The following STK39 variants were observed in gnomAD, a reference collection of about 807,000 sequenced individuals.
The protein encoded by STK39 is STE20/SPS1-related proline-alanine-rich protein kinase.
In STK39, 20 loss-of-function variants were observed where a neutral mutation model predicts 77.8. The ratio of observed to expected loss-of-function variants is 0.26; its 90% CI spans 0.18 to 0.37. STK39 has a LOEUF of 0.37. Ranked by LOEUF, STK39 falls within the 10% of genes least tolerant of loss-of-function variation. The pLI, the probability that STK39 is intolerant of heterozygous loss-of-function variation, is 1.00. For synonymous variants in STK39, 246 were observed against 234.1 expected (o/e 1.05, Z -0.47); for missense variants, 479 against 656.5 (o/e 0.73, Z 2.95).
chr2:168,123,725 C>T (rs1574483972), intron 10 of STK39, among the ~76,000 whole-genome samples: 2 of 151,798 alleles, frequency 1.3e-5, no homozygotes, highest in South Asian at 2.1e-4. Flanking sequence ...AAAAATTAGC[C>T]GGGCATGGTG....
At chr2:168,172,927 G>A (rs1244061860) in intron 2 of STK39, among the ~76,000 whole-genome samples, 3 of 152,100 alleles carry the variant, frequency 2.0e-5, no homozygotes, top group African/African-American at 4.8e-5. Context: ...AATCACCTGG[G>A]GAGCTTTGAC....
chr2:168,105,219 G>A (rs1456881670), intron 10 of STK39, among the ~76,000 whole-genome samples: 1 of 152,148 alleles, frequency 6.6e-6, no homozygotes, highest in Admixed American at 6.5e-5. Context: ...TTGTTAGTAT[G>A]AGAATGAAAG....
chr2:168,236,302 GT>G (rs1690606453), intron 1 of STK39, among the ~76,000 whole-genome samples: 1 of 152,074 alleles, frequency 6.6e-6, no homozygotes, highest in African/African-American at 2.4e-5. Context: ...TGATGGGGTT[GT>G]TTTTTTCTTG....
intron 14 of STK39, among the ~76,000 whole-genome samples, chr2:168,028,720 A>G (rs75694607): frequency 6.6e-6 from 1 of 152,164 alleles, no homozygotes; most frequent in Non-Finnish European, 1.5e-5. Context: ...CTTTAAGTTT[A>G]GGGTGTGGTG....
intron 5 of STK39, among the ~76,000 whole-genome samples, chr2:168,142,037 T>G (rs1225615961): frequency 1.3e-5 from 2 of 152,246 alleles, no homozygotes; most frequent in Non-Finnish European, 2.9e-5. Flanking sequence ...TTGTTCCAAC[T>G]GCTACTCTCA....
At chr2:167,968,665 T>C (rs1214975163) in intron 16 of STK39, among the ~76,000 whole-genome samples, 1 of 152,196 alleles carries the variant, frequency 6.6e-6, no homozygotes, top group Non-Finnish European at 1.5e-5. Flanking sequence ...AAATATTGTT[T>C]TATCCAAAGA....
At chr2:168,187,872 G>A (rs574548425) in intron 1 of STK39, among the ~76,000 whole-genome samples, 1 of 151,928 alleles carries the variant, frequency 6.6e-6, no homozygotes, top group African/African-American at 2.4e-5. Flanking sequence ...CCCATAAATG[G>A]CAAGATTTTT....
intron 12 of STK39, among the ~76,000 whole-genome samples, chr2:168,065,658 A>G (rs1385218476): frequency 6.6e-6 from 1 of 152,192 alleles, no homozygotes; most frequent in Non-Finnish European, 1.5e-5. Flanking sequence ...TTATACTGTT[A>G]AAGAACCACT....
intron 14 of STK39, among the ~76,000 whole-genome samples, chr2:168,052,247 C>T (rs1685417650): frequency 6.6e-6 from 1 of 152,128 alleles, no homozygotes; most frequent in Non-Finnish European, 1.5e-5. Flanking sequence ...GCAGTTCTTG[C>T]CTGCTGGACT....
At chr2:168,152,281 G>A (rs545694280) in intron 5 of STK39, among the ~76,000 whole-genome samples, 1 of 152,172 alleles carries the variant, frequency 6.6e-6, no homozygotes, top group South Asian at 2.1e-4. Context: ...AAGATGCTCT[G>A]GTAAAAGCAG....
chr2:168,098,881 A>G (rs1357770581), intron 10 of STK39, among the ~76,000 whole-genome samples: 3 of 152,256 alleles, frequency 2.0e-5, no homozygotes, highest in Non-Finnish European at 4.4e-5. Flanking sequence ...CGAAGCCTGT[A>G]ACAACACCAG....
At chr2:168,033,413 T>TG (rs1684875967) in intron 14 of STK39, among the ~76,000 whole-genome samples, 1 of 152,232 alleles carries the variant, frequency 6.6e-6, no homozygotes, top group Admixed American at 6.5e-5. Flanking sequence ...TCCTGAGCAG[T>TG]GAGCCAACAG....
chr2:168,040,922 T>C (rs1685087718), intron 14 of STK39, among the ~76,000 whole-genome samples: 2 of 152,190 alleles, frequency 1.3e-5, no homozygotes, highest in Admixed American at 1.3e-4. Flanking sequence ...GTTTCTCTCT[T>C]TTTTAGTACA....
chr2:168,119,800 G>T (rs1225888793), intron 10 of STK39, among the ~76,000 whole-genome samples: 1 of 152,068 alleles, frequency 6.6e-6, no homozygotes, highest in Non-Finnish European at 1.5e-5. Flanking sequence ...CATAACCTTC[G>T]ATATTTTATA....
In STK39 at chr2:167,971,469, A is replaced by G. The variant is rs184676945; in HGVS notation, c.1499-6743T>C. ...TTTTTCTTCTGCACGTAGGTAGGAA[A>G]AAAATTATTTGCTAAGTTAATCAAG... On this transcript the variant is annotated intron_variant, in intron 16 of 17. Coordinates refer to ENST00000355999, the MANE Select transcript of STK39 (RefSeq NM_013233.3). 1.7e-3 allele frequency among the ~76,000 whole-genome samples: 266 copies of G among 152,298 alleles called. 2 individuals carry two copies. The highest frequency in any genetic ancestry group is 0.01 in the Middle Eastern group (3 of 294).
At chr2:168,155,023 G>T (rs1406047160) in intron 5 of STK39, among the ~76,000 whole-genome samples, 1 of 152,126 alleles carries the variant, frequency 6.6e-6, no homozygotes, top group Admixed American at 6.5e-5. Context: ...ATAATGAATT[G>T]CAGGCCCTTA....
chr2:168,113,782 A>G (rs1687183145), intron 10 of STK39, among the ~76,000 whole-genome samples: 2 of 152,318 alleles, frequency 1.3e-5, no homozygotes, highest in South Asian at 4.1e-4. Context: ...GGGCCCAGGT[A>G]TCTCACAGTA....
At chr2:167,985,279 A>T (rs1433077572) in intron 16 of STK39, among the ~76,000 whole-genome samples, 2 of 152,248 alleles carry the variant, frequency 1.3e-5, no homozygotes, top group Non-Finnish European at 2.9e-5. Context: ...TGCAAAGAAG[A>T]TAAACAAACA....
chr2:167,979,506 A>C (rs535126502), intron 16 of STK39, among the ~76,000 whole-genome samples: 1 of 152,352 alleles, frequency 6.6e-6, no homozygotes, highest in South Asian at 2.1e-4. Flanking sequence ...CGTTCCCATA[A>C]ATACAAGTAT....
Sources: gnomAD v4.1 joint callset for allele counts (sites outside exome capture counted in the v4.1 genomes callset) on GRCh38, gnomAD v4.1.1 for gene constraint, MANE v1.5 for transcripts, NCBI Gene and HGNC (gene_info 2026-07-23, HGNC 2026-07-21) for gene names.